FRAS1: variants seen among roughly 807,000 people sequenced by gnomAD.
FRAS1 encodes the protein Fraser extracellular matrix complex subunit 1, also known as extracellular matrix organizing protein FRAS1.
Under a neutral mutation model 435.2 loss-of-function variants are expected in FRAS1, and 290 were observed. The observed-to-expected ratio is 0.67, with a 90% CI of 0.61 to 0.73. The LOEUF (loss-of-function observed/expected upper bound fraction) is 0.73, where lower values mean the gene tolerates loss of function less well. Among genes scored for constraint, FRAS1 ranks in the 30% least tolerant of loss-of-function variants. The pLI is 0.00. For synonymous variants in FRAS1, 1,800 were observed against 1,851.0 expected, an observed-to-expected ratio of 0.97 and a Z score of 0.71; for missense variants, 4,860 against 5,001.5, an observed-to-expected ratio of 0.97 and a Z score of 0.85.
intron 2 of FRAS1, among the ~76,000 whole-genome samples, chr4:78,095,753 A>G (rs1741771539): frequency 6.6e-6 from 1 of 152,216 alleles, no homozygotes; most frequent in African/African-American, 2.4e-5. Context: ...ACAGCACAGG[A>G]AAGACCTGCC....
chr4:78,280,260 C>T (rs1329817231), intron 10 of FRAS1, among the ~76,000 whole-genome samples: 1 of 152,148 alleles, frequency 6.6e-6, no homozygotes, highest in East Asian at 1.9e-4. Context: ...GTTACTTGAA[C>T]ATAAGCACTG....
Position 78,333,269 on chromosome 4 carries a change from C to G in FRAS1, c.2138-3C>G. The stretch of plus-strand genomic sequence containing the variant: ...TGTCTCCTTTGCTTTATCTTTCCCC[C>G]AGCTTGCCACCAGTCCTGTTTCAGA... On this transcript the variant is annotated splice_region_variant and splice_polypyrimidine_tract_variant and intron_variant, in intron 18 of 73. Coordinates refer to ENST00000512123, the MANE Select transcript of FRAS1 (RefSeq NM_025074.7). 1 of 1,600,038 alleles carries G rather than the reference C, an allele frequency of 6.2e-7. No homozygotes were observed. Among genetic ancestry groups the G allele is most frequent in the Non-Finnish European group, 8.5e-7 (1 of 1,173,640 alleles).
At chr4:78,284,576 G>T in intron 13 of FRAS1, 28 bp downstream of exon 13, 1 of 1,588,200 alleles carries the variant, frequency 6.3e-7, no homozygotes, top group African/African-American at 1.4e-5. Context: ...CAACCCAGAG[G>T]TGGTGGTGTG....
intron 36 of FRAS1, 80 bp from the exon 37 acceptor site, chr4:78,430,212 T>C: frequency 6.4e-7 from 1 of 1,561,016 alleles, no homozygotes; most frequent in Non-Finnish European, 8.8e-7. Flanking sequence ...ACTCCTAGCC[T>C]GGCCTGCGGT....
At chr4:78,065,081 T>TATACACACACACAC (rs1553915420) in intron 1 of FRAS1, among the ~76,000 whole-genome samples, 5 of 125,674 alleles carry the variant, frequency 4.0e-5, no homozygotes, top group African/African-American at 1.5e-4. Flanking sequence ...TATATATATA[T>TATACACACACACAC]ATACATACAC....
chr4:78,320,311 T>C (rs1276386149), intron 18 of FRAS1, among the ~76,000 whole-genome samples: 1 of 152,168 alleles, frequency 6.6e-6, no homozygotes, highest in Non-Finnish European at 1.5e-5. Flanking sequence ...CCCAGTGCTG[T>C]CCCAAGGCAC....
chr4:78,278,578 C>A lies in FRAS1; in HGVS notation c.982-77C>A, dbSNP rs994804603. ...GCGTTTCTTATTCCAGTCAGGGAAC[C>A]CAACTGCTTCTCAATTTAGCCCTGC... On this transcript the variant is annotated intron_variant, in intron 9 of 73. Coordinates refer to ENST00000512123, the MANE Select transcript of FRAS1 (RefSeq NM_025074.7). 7 of 816,652 alleles carry A rather than the reference C, an allele frequency of 8.6e-6. No homozygotes were observed. The Admixed American group carries it at 1.4e-4, about 16-fold the overall frequency. 50.6% of individuals were successfully genotyped at this position (816,652 alleles called of 1,614,324 possible). A position where few individuals can be genotyped will look rare whatever the true frequency, so the allele number is the denominator to read the frequency against.
At chr4:78,064,383 G>C (rs1389459917) in intron 1 of FRAS1, among the ~76,000 whole-genome samples, 1 of 151,300 alleles carries the variant, frequency 6.6e-6, no homozygotes, top group Admixed American at 6.6e-5. Flanking sequence ...AAAATAATAA[G>C]TTTGTGTAAA....
At chr4:78,159,343 G>A (rs1721037330) in intron 2 of FRAS1, among the ~76,000 whole-genome samples, 1 of 152,200 alleles carries the variant, frequency 6.6e-6, no homozygotes, top group East Asian at 1.9e-4. Flanking sequence ...GGATACAAGA[G>A]TGAGTATTTC....
At chr4:78,482,199 A>G (rs1720031657) in intron 57 of FRAS1, among the ~76,000 whole-genome samples, 189 bp from the exon 58 acceptor site, 1 of 152,146 alleles carries the variant, frequency 6.6e-6, no homozygotes, top group Non-Finnish European at 1.5e-5. Context: ...TATAAACTAT[A>G]CTCATTTGAT....
rs1295577756 is a variant in FRAS1 at position 78,234,429 on chromosome 4, G to A, written c.109-3081G>A. On this transcript the variant is annotated intron_variant, in intron 2 of 73. Coordinates refer to ENST00000512123, the MANE Select transcript of FRAS1 (RefSeq NM_025074.7). ...TTTAGTAGAGACGGGGTTTCGCTGTGTTAGCCAGGATGATCTCGATCTCCT... is the reference window on the plus strand; with the variant it reads ...TTTAGTAGAGACGGGGTTTCGCTGTATTAGCCAGGATGATCTCGATCTCCT... Among the ~76,000 whole-genome samples the A allele has an allele frequency of 2.6e-5, 4 of 152,050 alleles. No homozygotes were observed. The East Asian group carries it at 7.8e-4, about 29-fold the overall frequency.
intron 38 of FRAS1, among the ~76,000 whole-genome samples, chr4:78,436,000 A>G (rs1734411831): frequency 6.6e-6 from 1 of 152,168 alleles, no homozygotes; most frequent in African/African-American, 2.4e-5. Flanking sequence ...CTAGAAACAA[A>G]AAGGTCTAAC....
chr4:78,540,507 C>T (rs768235882), intron 73 of FRAS1, 24 bp from the exon 74 acceptor site: 1 of 1,450,214 alleles, frequency 6.9e-7, no homozygotes, highest in Non-Finnish European at 9.2e-7. Flanking sequence ...GCAACAACAA[C>T]ATGTTCGGTT....
In FRAS1 at chr4:78,481,832, T is replaced by C. The variant is rs746058148; in HGVS notation, c.8472T>C (p.His2824=). ...AGTVKIPVIR[H]GTDLSTFASV... ...CAGTAAAGATTCCAGTTATCCGCCATGGTACTGACCTCTCTACTTTCGCAT... is the reference window on the plus strand; with the variant it reads ...CAGTAAAGATTCCAGTTATCCGCCACGGTACTGACCTCTCTACTTTCGCAT... The change falls in exon 57 of 74, where the codon CAT becomes CAC. Residue 2824 remains histidine, a synonymous_variant. Coordinates refer to ENST00000512123, the MANE Select transcript of FRAS1 (RefSeq NM_025074.7). 5 of 1,613,946 alleles carry C rather than the reference T, an allele frequency of 3.1e-6. No individual in the cohort carries two copies. The Admixed American group carries it at 6.7e-5, about 22-fold the overall frequency.
At chr4:78,276,388 G>A (rs1029525464) in intron 9 of FRAS1, among the ~76,000 whole-genome samples, 1 of 152,218 alleles carries the variant, frequency 6.6e-6, no homozygotes, top group Non-Finnish European at 1.5e-5. Flanking sequence ...GGGTAGAGGT[G>A]CTCTGATTTT....
In FRAS1 at chr4:78,092,532, G is replaced by A. The variant is rs115354002; in HGVS notation, c.108+26516G>A. On this transcript the variant is annotated intron_variant, in intron 2 of 73. Transcript: ENST00000512123. ...GAGACCCAGTCACTATCACAGACGC[G>A]AACAGCATGGGAAAGACCCACCCCC... Among the ~76,000 whole-genome samples the A allele has an allele frequency of 2.5e-3, 378 of 152,222 alleles. 1 individual carries two copies. Among genetic ancestry groups the A allele is most frequent in the African/African-American group, 8.4e-3 (348 of 41,542 alleles).
In FRAS1 at chr4:78,252,424, T is replaced by C. The variant is rs545101183; in HGVS notation, c.342T>C (p.Ser114=). ...HGTEWASSPC[S]VCSCNHGEVR... is the part of the protein sequence containing the mutation. The stretch of plus-strand genomic sequence containing the variant: ...CAGAATGGGCCTCTTCTCCATGTAG[T>C]GTGTGCTCTTGCAATCATGGGGAAG... The change falls in exon 5 of 74, where the codon AGT becomes AGC. Residue 114 remains serine (S), a synonymous_variant. Coordinates refer to ENST00000512123, the MANE Select transcript of FRAS1 (RefSeq NM_025074.7). 1.2e-6 allele frequency: 2 copies of C among 1,613,632 alleles called. No individual in the cohort carries two copies. The highest frequency in any genetic ancestry group is 1.1e-5 in the South Asian group (1 of 91,058).
At chr4:78,143,540 G>T (rs1460611571) in intron 2 of FRAS1, among the ~76,000 whole-genome samples, 3 of 152,056 alleles carry the variant, frequency 2.0e-5, no homozygotes, top group East Asian at 3.9e-4. Context: ...TCTTTCAAGT[G>T]CATGTTGTAC....
intron 9 of FRAS1, among the ~76,000 whole-genome samples, chr4:78,277,896 C>T (rs1337370542): frequency 6.6e-6 from 1 of 151,838 alleles, no homozygotes; most frequent in Non-Finnish European, 1.5e-5. Flanking sequence ...ACTGCAAGCT[C>T]CGCCTCCCTG....
Sources: allele counts gnomAD v4.1 joint callset (sites outside exome capture counted in the v4.1 genomes callset), GRCh38; gene constraint gnomAD v4.1.1; transcripts MANE v1.5; gene names NCBI Gene and HGNC (gene_info 2026-07-23, HGNC 2026-07-21).